The following GLS variants were observed in gnomAD, a reference collection of about 807,000 sequenced individuals.
The protein encoded by GLS is glutaminase kidney isoform, mitochondrial.
GLS carries 36 observed loss-of-function variants against 86.7 expected under a neutral mutation model. That is an observed-to-expected ratio of 0.42 (90% CI 0.32 to 0.55). The LOEUF (loss-of-function observed/expected upper bound fraction) is 0.55. Ranked by LOEUF, GLS falls within the 20% of genes least tolerant of loss-of-function variation. The pLI is 0.17. For synonymous variants in GLS, 317 were observed against 305.9 expected (o/e 1.04, Z -0.38); for missense variants, 528 against 833.4 (o/e 0.63, Z 4.51).
chr2:190,912,334 G>A (rs1689387959), intron 7 of GLS, among the ~76,000 whole-genome samples: 1 of 121,964 alleles, frequency 8.2e-6, no homozygotes, highest in African/African-American at 2.8e-5. Flanking sequence ...TTTAGCATGT[G>A]TTTCACAAGT....
chr2:190,890,880 A>C (rs1268967501), intron 1 of GLS, among the ~76,000 whole-genome samples: 2 of 152,020 alleles, frequency 1.3e-5, no homozygotes, highest in African/African-American at 4.8e-5. Context: ...TTTAAGAGTT[A>C]TGCGAAAAAA....
In GLS at chr2:190,930,284, C is replaced by T. The variant is rs978537154; in HGVS notation, c.1426-153C>T. 1.3e-5 allele frequency among the ~76,000 whole-genome samples: 2 copies of T among 152,126 alleles called. No homozygotes were observed. Among genetic ancestry groups the T allele is most frequent in the Non-Finnish European group, 2.9e-5 (2 of 68,008 alleles). ...TGTTACCCAGCCTAGCCTCCAACTC[C>T]TGGGCTCAAGTGATCTGCTTGCCTT... is the stretch of plus-strand genomic sequence containing the variant. On this transcript the variant is annotated intron_variant, in intron 12 of 17. Coordinates refer to ENST00000320717, the MANE Select transcript of GLS (RefSeq NM_014905.5). The surrounding 1 kb of genome is among the most constrained non-coding windows in gnomAD (Gnocchi z 5.0).
At chr2:190,923,292 T>G (rs1689805488) in intron 9 of GLS, among the ~76,000 whole-genome samples, 1 of 152,220 alleles carries the variant, frequency 6.6e-6, no homozygotes, top group Admixed American at 6.5e-5. Context: ...TTTGATAATT[T>G]GGTCCCAGTC....
At chr2:190,923,894 A>C (rs369253974) in intron 9 of GLS, 23 bp from the exon 10 acceptor site, 69 of 1,470,080 alleles carry the variant, frequency 4.7e-5, no homozygotes, top group Middle Eastern at 1.7e-4. Context: ...ACATAGAGCA[A>C]ATGTTTTTTT....
Position 190,953,672 on chromosome 2 carries a change from A to C in GLS, c.1712+46A>C. Reference sequence around the variant, plus strand: ...AGCATGCACTTTACAGATATTTATGAAGTTGCTTCTGGGCGAGCAGCCATT... The same window carrying C: ...AGCATGCACTTTACAGATATTTATGCAGTTGCTTCTGGGCGAGCAGCCATT... On this transcript the variant is annotated intron_variant, in intron 15 of 17. Coordinates refer to ENST00000320717, the MANE Select transcript of GLS (RefSeq NM_014905.5). The surrounding 1 kb of genome is among the most constrained non-coding windows in gnomAD (Gnocchi z 4.0). 1 of 1,311,756 alleles carries C rather than the reference A, an allele frequency of 7.6e-7. No individual in the cohort carries two copies. Among genetic ancestry groups the C allele is most frequent in the Non-Finnish European group, 1.1e-6 (1 of 911,262 alleles). The allele number at this position is 1,311,756 out of a possible 1,614,324, so 81.3% of individuals were successfully genotyped here.
chr2:190,926,611 G>A (rs750455596), intron 11 of GLS, among the ~76,000 whole-genome samples: 1 of 151,914 alleles, frequency 6.6e-6, no homozygotes, highest in Admixed American at 6.6e-5. Context: ...GGTTTGGTAC[G>A]GTGAACTATT....
At chr2:190,948,552 T>A (rs1270923646) in intron 14 of GLS, among the ~76,000 whole-genome samples, 6 of 152,232 alleles carry the variant, frequency 3.9e-5, no homozygotes, top group Non-Finnish European at 7.3e-5. Context: ...TGTGTAGTTC[T>A]TATATCCAGT....
At chr2:190,891,557 A>T (rs1056425627) in intron 1 of GLS, among the ~76,000 whole-genome samples, 1 of 152,144 alleles carries the variant, frequency 6.6e-6, no homozygotes, top group African/African-American at 2.4e-5. Context: ...AGTTAGGAAT[A>T]AATAGTGTAA....
At chr2:190,894,380 C>T (rs1053545151) in intron 1 of GLS, among the ~76,000 whole-genome samples, 3 of 151,514 alleles carry the variant, frequency 2.0e-5, no homozygotes, top group South Asian at 4.2e-4. Context: ...ATTTTTTATC[C>T]GTGTTGGTTG....
intron 7 of GLS, among the ~76,000 whole-genome samples, chr2:190,918,108 A>C (rs1406755874): frequency 6.6e-6 from 1 of 152,160 alleles, no homozygotes; most frequent in African/African-American, 2.4e-5. Flanking sequence ...CTTCAACTTA[A>C]GGTTACAAGC....
At position 190,955,684 on chromosome 2, in the gene GLS, G is replaced by A. The variant is rs903652873; in HGVS notation, c.1853+866G>A. ...GGATCAAATGGTATTTCTGGTTCTA[G>A]ATCCTTGAGGAATCACCACACTGTC... On this transcript the variant is annotated intron_variant, in intron 17 of 17. Transcript: ENST00000320717. This position sits in a 1 kb window ranked among gnomAD's most constrained non-coding sequence, Gnocchi z 5.6. Among the ~76,000 whole-genome samples, 8 of 152,150 alleles carry A rather than the reference G, an allele frequency of 5.3e-5. No individual in the cohort carries two copies. Among genetic ancestry groups the A allele is most frequent in the African/African-American group, 1.7e-4 (7 of 41,420 alleles).
At chr2:190,931,689 AAGTG>A (rs1412521009) in intron 14 of GLS, 52 bp downstream of exon 14, 6 of 822,954 alleles carry the variant, frequency 7.3e-6, no homozygotes, top group Non-Finnish European at 1.2e-5. Flanking sequence ...AGAAGAGAAA[AAGTG>A]AGATTTGCCT....
At chr2:190,948,852 G>A (rs1287853674) in intron 14 of GLS, among the ~76,000 whole-genome samples, 4 of 152,172 alleles carry the variant, frequency 2.6e-5, no homozygotes, top group Admixed American at 2.6e-4. Flanking sequence ...CAGGAGAATA[G>A]TATGCACTGT....
chr2:190,929,891 A>G (rs2124914513), intron 12 of GLS, among the ~76,000 whole-genome samples: 1 of 151,834 alleles, frequency 6.6e-6, no homozygotes, highest in African/African-American at 2.4e-5. Context: ...TCTGTTGCCC[A>G]GGCTGGAGTG....
rs577942274 is a variant in GLS at position 190,881,018 on chromosome 2, G to A, written c.-67G>A. On this transcript the variant is annotated 5_prime_UTR_variant, in exon 1 of 18. Coordinates refer to ENST00000320717, the MANE Select transcript of GLS (RefSeq NM_014905.5). ...CGCCCCACCACAGACCGCGTTCCCC[G>A]AGGAAACCGGCCGCCCACGCCCGGA... The A allele has an allele frequency of 2.0e-6, 3 of 1,499,630 alleles. No individual in the cohort carries two copies. Among genetic ancestry groups the A allele is most frequent in the East Asian group, 2.6e-5 (1 of 38,404 alleles). The allele number at this position is 1,499,630 out of a possible 1,614,324, so 92.9% of individuals were successfully genotyped here.
chr2:190,909,262 T>C (rs1018826107), intron 6 of GLS, among the ~76,000 whole-genome samples: 1 of 152,212 alleles, frequency 6.6e-6, no homozygotes, highest in Admixed American at 6.5e-5. Flanking sequence ...GAAATATATA[T>C]GCATTGTGGA....
rs764169627 is a variant in GLS at position 190,955,249 on chromosome 2, T to G, written c.1853+431T>G. Among the ~76,000 whole-genome samples, 4 of 152,114 alleles carry G rather than the reference T, an allele frequency of 2.6e-5. No individual in the cohort carries two copies. Among genetic ancestry groups the G allele is most frequent in the Non-Finnish European group, 4.4e-5 (3 of 68,014 alleles). On this transcript the variant is annotated intron_variant, in intron 17 of 17. Transcript: ENST00000320717. The surrounding 1 kb of genome is among the most constrained non-coding windows in gnomAD (Gnocchi z 5.6). ...GCACCCATCAACCCATCATCTACAT[T>G]AGGTATTTCTTCTAATGCGATCCCT...
chr2:190,958,845 G>A (rs972917525), intron 17 of GLS, among the ~76,000 whole-genome samples: 2 of 151,992 alleles, frequency 1.3e-5, no homozygotes, highest in African/African-American at 4.8e-5. Context: ...TTATGTGGTT[G>A]GCCAATTTTA....
At chr2:190,937,742 A>T (rs1167081355) in intron 14 of GLS, among the ~76,000 whole-genome samples, 3 of 151,338 alleles carry the variant, frequency 2.0e-5, no homozygotes, top group Admixed American at 6.6e-5. Flanking sequence ...TTTCATAAAA[A>T]ACTTTATAAT....
Sources: allele counts gnomAD v4.1 joint callset (sites outside exome capture counted in the v4.1 genomes callset), GRCh38; gene constraint gnomAD v4.1.1; non-coding constraint Gnocchi (gnomAD v3.1); transcripts MANE v1.5; gene names NCBI Gene and HGNC (gene_info 2026-07-23, HGNC 2026-07-21).